The following ECPAS variants were observed in gnomAD, a reference collection of about 807,000 sequenced individuals.
The protein encoded by ECPAS is Ecm29 proteasome adaptor and scaffold, also known as proteasome adapter and scaffold protein ECM29.
A neutral mutation model predicts 255.1 loss-of-function variants in ECPAS; 70 were observed. The ratio of observed to expected loss-of-function variants is 0.27; its 90% confidence interval spans 0.23 to 0.33. The LOEUF (loss-of-function observed/expected upper bound fraction) is 0.33, where lower values mean the gene tolerates loss of function less well. ECPAS is among the 10% of genes least tolerant of loss of function. The pLI is 1.00. For synonymous variants in ECPAS, 784 were observed against 775.0 expected, an observed-to-expected ratio of 1.01 and a Z score of -0.19; for missense variants, 1,817 against 2,206.4, an observed-to-expected ratio of 0.82 and a Z score of 3.54.
chr9:111,413,758 T>C (rs2098198606), intron 20 of ECPAS, 137 bp downstream of exon 20: 2 of 468,636 alleles, frequency 4.3e-6, no homozygotes, highest in East Asian at 3.2e-5. Flanking sequence ...TCCCAGTAAG[T>C]GTCTGATGAT....
At chr9:111,454,501 A>C (rs1221945549) in intron 2 of ECPAS, among the ~76,000 whole-genome samples, 1 of 152,164 alleles carries the variant, frequency 6.6e-6, no homozygotes, top group East Asian at 1.9e-4. Flanking sequence ...AAAGAGCACC[A>C]ACCACCATGT....
intron 14 of ECPAS, 33 bp from the exon 15 acceptor site, chr9:111,422,076 T>A (rs1010337011): frequency 6.2e-7 from 1 of 1,613,524 alleles, no homozygotes; most frequent in African/African-American, 1.3e-5. Context: ...TCCCTCCTTG[T>A]TGGGTTCCCA....
chr9:111,393,118 T>C (rs905622601), intron 27 of ECPAS, among the ~76,000 whole-genome samples: 2 of 152,162 alleles, frequency 1.3e-5, no homozygotes, highest in African/African-American at 2.4e-5. Context: ...TTCACAAATC[T>C]AGACAATACT....
In ECPAS at chr9:111,383,655, C is replaced by T. The variant is rs149194917; in HGVS notation, c.3682-323G>A. On this transcript the variant is annotated intron_variant, in intron 34 of 49. Coordinates refer to ENST00000684092, the MANE Select transcript of ECPAS (RefSeq NM_001364929.1). ...AAGGTTTAGGGCTGGGTGCAGTAGC[C>T]GGCGCCTATAAAGCCAGCACTTTGG... 7.0e-3 allele frequency among the ~76,000 whole-genome samples: 1,065 copies of T among 152,150 alleles called. 4 individuals are homozygous for T. The highest frequency in any genetic ancestry group is 0.012 in the Non-Finnish European group (808 of 67,994).
At chr9:111,417,084 A>T (rs563423324) in intron 17 of ECPAS, among the ~76,000 whole-genome samples, 2 of 152,094 alleles carry the variant, frequency 1.3e-5, no homozygotes, top group South Asian at 4.2e-4. Context: ...TACAAAAAAT[A>T]AAAAAATTAG....
At chr9:111,382,739 C>T (rs1024602471) in intron 35 of ECPAS, among the ~76,000 whole-genome samples, 9 of 152,146 alleles carry the variant, frequency 5.9e-5, no homozygotes, top group African/African-American at 2.2e-4. Context: ...AGTTCCTAGA[C>T]AGCACTGTAC....
chr9:111,416,623 G>GTCAC (rs1220786315), intron 17 of ECPAS, among the ~76,000 whole-genome samples: 1 of 152,058 alleles, frequency 6.6e-6, no homozygotes, highest in Non-Finnish European at 1.5e-5. Context: ...GTCATCTCAG[G>GTCAC]TCACTGCATG....
intron 31 of ECPAS, among the ~76,000 whole-genome samples, chr9:111,388,398 C>A (rs2098153802): frequency 6.7e-6 from 1 of 148,502 alleles, no homozygotes; most frequent in African/African-American, 2.5e-5. Flanking sequence ...TCTCCTGGAG[C>A]AAGCAAAACT....
intron 1 of ECPAS, among the ~76,000 whole-genome samples, chr9:111,481,700 G>C (rs1301410258): frequency 6.6e-6 from 1 of 152,176 alleles, no homozygotes; most frequent in South Asian, 2.1e-4. Flanking sequence ...AGCAACCCAA[G>C]TGTCCATAGA....
intron 2 of ECPAS, among the ~76,000 whole-genome samples, chr9:111,461,599 A>G (rs1026784518): frequency 6.6e-6 from 1 of 152,248 alleles, no homozygotes; most frequent in Non-Finnish European, 1.5e-5. Flanking sequence ...GTTTAAACAG[A>G]GGTGTCACTG....
At chr9:111,407,272 T>A (rs1365550972) in intron 24 of ECPAS, among the ~76,000 whole-genome samples, 2 of 145,942 alleles carry the variant, frequency 1.4e-5, no homozygotes, top group East Asian at 4.2e-4. Flanking sequence ...TGTGGTGGCG[T>A]GCGCTTGTAA....
chr9:111,392,560 C>T (rs544598258), intron 28 of ECPAS, among the ~76,000 whole-genome samples: 2 of 152,202 alleles, frequency 1.3e-5, no homozygotes, highest in African/African-American at 4.8e-5. Context: ...AAACTTTCGA[C>T]GCTTGACCTA....
At chr9:111,431,438 A>AT (rs1308066772) in intron 8 of ECPAS, among the ~76,000 whole-genome samples, 1 of 151,970 alleles carries the variant, frequency 6.6e-6, no homozygotes, top group Admixed American at 6.6e-5. Flanking sequence ...TGCACCTGTA[A>AT]TCACAGCTAC....
intron 27 of ECPAS, among the ~76,000 whole-genome samples, chr9:111,393,104 C>A (rs1037334893): frequency 2.0e-5 from 3 of 152,152 alleles, no homozygotes; most frequent in Admixed American, 6.5e-5. Context: ...CACAGAAGAT[C>A]CAGTTCACAA....
chr9:111,412,757 A>C (rs1029540773), intron 20 of ECPAS, among the ~76,000 whole-genome samples: 1 of 152,242 alleles, frequency 6.6e-6, no homozygotes, highest in African/African-American at 2.4e-5. Flanking sequence ...AAACCTTTTT[A>C]AACTAAAAGC....
chr9:111,470,709 C>G (rs1367695517), intron 2 of ECPAS, among the ~76,000 whole-genome samples: 2 of 148,794 alleles, frequency 1.3e-5, no homozygotes, highest in Non-Finnish European at 3.0e-5. Flanking sequence ...CACCCCGCAC[C>G]CACTTCCCCA....
intron 8 of ECPAS, among the ~76,000 whole-genome samples, chr9:111,431,201 T>C (rs1386964593): frequency 1.3e-5 from 2 of 152,242 alleles, no homozygotes; most frequent in East Asian, 3.8e-4. Flanking sequence ...AGAGTAGTTA[T>C]GCTATCAGTC....
intron 28 of ECPAS, among the ~76,000 whole-genome samples, chr9:111,392,273 C>CA (rs1364581212): frequency 2.0e-5 from 3 of 152,116 alleles, no homozygotes; most frequent in Non-Finnish European, 4.4e-5. Flanking sequence ...CAACAGGCTG[C>CA]AAATTTTATA....
In ECPAS at chr9:111,454,709, C is replaced by CTT. The variant is rs879767612; in HGVS notation, c.23-3156_23-3155dup. On this transcript the variant is annotated intron_variant, in intron 2 of 49. Transcript: ENST00000684092. ...ATATAACTGCTATATTTTTCTTTTC[C>CTT]TTTTTTTTTTTTTTTAAATAAGACA... Among the ~76,000 whole-genome samples, 835 of 143,506 alleles carry CTT rather than the reference C, an allele frequency of 5.8e-3. 6 individuals are homozygous for CTT. The highest frequency in any genetic ancestry group is 0.021 in the African/African-American group (808 of 39,210). 94.1% of individuals were successfully genotyped at this position (143,506 alleles called of 152,430 possible).
Sources: allele counts gnomAD v4.1 joint callset (sites outside exome capture counted in the v4.1 genomes callset), GRCh38; gene constraint gnomAD v4.1.1; transcripts MANE v1.5; gene names NCBI Gene and HGNC (gene_info 2026-07-23, HGNC 2026-07-21).